The following METAP1D variants were observed in gnomAD, a reference collection of about 807,000 sequenced individuals.
The protein encoded by METAP1D is methionine aminopeptidase 1D, mitochondrial.
Under a neutral mutation model 40.5 loss-of-function variants are expected in METAP1D, and 31 were observed. The observed-to-expected ratio is 0.77, with a 90% CI of 0.58 to 1.03. The LOEUF is 1.03. Among genes scored for constraint, METAP1D ranks in the 50% least tolerant of loss-of-function variants. METAP1D has a pLI of 0.00. For missense variants in METAP1D, 411 were observed against 420.7 expected (o/e 0.98, Z 0.20); for synonymous variants, 151 against 146.4 (o/e 1.03, Z -0.22).
At chr2:172,071,246 T>G (rs1187250803) in intron 6 of METAP1D, among the ~76,000 whole-genome samples, 176 bp downstream of exon 6, 1 of 152,106 alleles carries the variant, frequency 6.6e-6, no homozygotes, top group Non-Finnish European at 1.5e-5. Flanking sequence ...AAAAAAAGAT[T>G]TTATAAAAAT....
At chr2:172,030,501 A>T (rs1689218122) in intron 1 of METAP1D, among the ~76,000 whole-genome samples, 1 of 152,210 alleles carries the variant, frequency 6.6e-6, no homozygotes, top group Non-Finnish European at 1.5e-5. Flanking sequence ...CTACCATGTT[A>T]TAGAGGGATA....
chr2:172,081,322 G>C lies in METAP1D; in HGVS notation c.*916G>C, dbSNP rs1172856955. On this transcript the variant is annotated 3_prime_UTR_variant, in exon 10 of 10. Transcript: ENST00000315796. ...TCCCCAGACTGGCCCTTCTCGCATC[G>C]GGACCCGCGCTTGCACGCTGCAGGA... 3 of 152,444 alleles carry C rather than the reference G, an allele frequency of 2.0e-5. No homozygotes were observed. The highest frequency in any genetic ancestry group is 4.4e-5 in the Non-Finnish European group (3 of 68,206). The allele number at this position is 152,444 out of a possible 1,614,324, so 9.4% of individuals were successfully genotyped here.
intron 1 of METAP1D, among the ~76,000 whole-genome samples, chr2:172,005,854 T>A (rs1028776234): frequency 1.1e-4 from 16 of 151,954 alleles, no homozygotes; most frequent in African/African-American, 3.9e-4. Context: ...ATTTATCTAC[T>A]CATTGGTTGA....
intron 1 of METAP1D, among the ~76,000 whole-genome samples, chr2:172,041,201 C>G (rs1689513817): frequency 6.6e-6 from 1 of 152,028 alleles, no homozygotes; most frequent in South Asian, 2.1e-4. Flanking sequence ...TGGCTCATTC[C>G]TGTAATCGCA....
At chr2:172,053,409 G>T (rs1559013134) in intron 1 of METAP1D, among the ~76,000 whole-genome samples, 3 of 151,866 alleles carry the variant, frequency 2.0e-5, no homozygotes. Context: ...AGTAAGTTGG[G>T]TTTTTTTTCT....
At chr2:172,074,350 TTC>T (rs1239994025) in intron 6 of METAP1D, among the ~76,000 whole-genome samples, 2 of 152,138 alleles carry the variant, frequency 1.3e-5, no homozygotes, top group Non-Finnish European at 2.9e-5. Context: ...AATAATCTCT[TTC>T]TATTAGATTA....
At position 172,063,826 on chromosome 2, in the gene METAP1D, G is replaced by A. The variant is rs991097857; in HGVS notation, c.314G>A (p.Arg105His). ...QGLHQACQLA[R>H]HVLLLAGKSL... ...CTTCATCAGGCTTGTCAGCTGGCCC[G>A]CCACGTCCTCCTCTTGGCTGGGAAG... The change falls in exon 3 of 10, where the codon CGC becomes CAC. Residue 105 changes from arginine to histidine, a missense_variant. Physicochemically the swap from Arg to His is conservative, Grantham distance 29. Coordinates refer to ENST00000315796, the MANE Select transcript of METAP1D (RefSeq NM_199227.3). 17 of 1,613,356 alleles carry A rather than the reference G, an allele frequency of 1.1e-5. No individual in the cohort carries two copies. Among genetic ancestry groups the A allele is most frequent in the South Asian group, 3.3e-5 (3 of 90,966 alleles).
At chr2:172,048,245 T>A (rs1184300458) in intron 1 of METAP1D, among the ~76,000 whole-genome samples, 3 of 152,218 alleles carry the variant, frequency 2.0e-5, no homozygotes, top group African/African-American at 7.2e-5. Flanking sequence ...ACTTGCTTTG[T>A]GGATTATCCA....
chr2:172,061,493 C>G lies in METAP1D; in HGVS notation c.41-5C>G, dbSNP rs1297644756. ...TACTTAAAATATGTCTGTTTCTGCT[C>G]ACAGGTTCTCATAGAATTTTCTCTT... is the stretch of plus-strand genomic sequence containing the variant. On this transcript the variant is annotated splice_region_variant and splice_polypyrimidine_tract_variant and intron_variant, in intron 1 of 9. Transcript: ENST00000315796. 6.2e-7 allele frequency: 1 copy of G among 1,608,046 alleles called. No homozygotes were observed. Among genetic ancestry groups the G allele is most frequent in the South Asian group, 1.1e-5 (1 of 89,700 alleles).
intron 1 of METAP1D, among the ~76,000 whole-genome samples, chr2:172,055,404 G>A (rs1002414683): frequency 4.6e-5 from 7 of 152,206 alleles, no homozygotes; most frequent in African/African-American, 7.2e-5. Flanking sequence ...ACTGTAGTTC[G>A]GGTATCCTTT....
intron 3 of METAP1D, chr2:172,064,134 C>T (rs974958660): frequency 1.8e-5 from 5 of 272,736 alleles, no homozygotes; most frequent in Non-Finnish European, 3.3e-5. Flanking sequence ...GTCAACCTAT[C>T]CAAGTTGATC....
intron 1 of METAP1D, among the ~76,000 whole-genome samples, chr2:172,041,193 G>A (rs994408550): frequency 1.3e-5 from 2 of 151,992 alleles, no homozygotes; most frequent in African/African-American, 2.4e-5. Flanking sequence ...GGATGCGGTG[G>A]CTCATTCCTG....
intron 1 of METAP1D, among the ~76,000 whole-genome samples, chr2:172,030,337 C>T (rs1017171062): frequency 4.6e-5 from 7 of 152,012 alleles, no homozygotes; most frequent in African/African-American, 1.4e-4. Flanking sequence ...GGTGATCTGC[C>T]CACCTCGGCC....
chr2:172,064,274 C>T (rs561962726), intron 3 of METAP1D: 284 of 158,214 alleles, frequency 1.8e-3, no homozygotes, highest in Non-Finnish European at 2.0e-3. Context: ...CTTGCATTTG[C>T]CCTGCAAAGA....
chr2:172,016,522 G>C (rs896953856), intron 1 of METAP1D, among the ~76,000 whole-genome samples: 1 of 151,552 alleles, frequency 6.6e-6, no homozygotes, highest in Admixed American at 6.6e-5. Flanking sequence ...TTGGGAGGCT[G>C]AGGTGGGAGG....
At chr2:172,008,131 G>C (rs1166515218) in intron 1 of METAP1D, among the ~76,000 whole-genome samples, 1 of 151,404 alleles carries the variant, frequency 6.6e-6, no homozygotes, top group Non-Finnish European at 1.5e-5. Context: ...TATTCCACAG[G>C]GCTTGTTGAA....
chr2:172,045,699 ATGTGTGTGTG>A (rs796722451), intron 1 of METAP1D, among the ~76,000 whole-genome samples: 3 of 82,238 alleles, frequency 3.6e-5, no homozygotes, highest in African/African-American at 4.6e-5. Flanking sequence ...ATTCATATAT[ATGTGTGTGTG>A]TGTGTGTGTG....
rs570489198 is a variant in METAP1D, at chr2:172,080,714, G to T, written c.*308G>T. On this transcript the variant is annotated 3_prime_UTR_variant, in exon 10 of 10. Transcript: ENST00000315796. Reference sequence around the variant, plus strand: ...TGGAAGAGATTCCAAGAGAAGCACGGTTTTCTCTTTCCCTTGCCCTGACTG... The same window carrying T: ...TGGAAGAGATTCCAAGAGAAGCACGTTTTTCTCTTTCCCTTGCCCTGACTG... The T allele has an allele frequency of 5.8e-6, 3 of 520,706 alleles. No homozygotes were observed. Among genetic ancestry groups the T allele is most frequent in the African/African-American group, 3.8e-5 (2 of 52,396 alleles). 32.3% of individuals were successfully genotyped at this position (520,706 alleles called of 1,614,324 possible).
Position 172,063,825 on chromosome 2 carries a change from C to T in METAP1D, c.313C>T (p.Arg105Cys), listed in dbSNP as rs749963076. 38 of 1,613,508 alleles carry T rather than the reference C, an allele frequency of 2.4e-5. 1 individual carries two copies. In the South Asian group the frequency reaches 2.4e-4, roughly 10 times the overall value. The change falls in exon 3 of 10, where the codon CGC becomes TGC. Residue 105 changes from arginine to cysteine, a missense_variant. By Grantham distance (180) the Arg-to-Cys change is radical. Coordinates refer to ENST00000315796, the MANE Select transcript of METAP1D (RefSeq NM_199227.3). ...GCTTCATCAGGCTTGTCAGCTGGCC[C>T]GCCACGTCCTCCTCTTGGCTGGGAA... Reference protein sequence around the residue: ...QGLHQACQLARHVLLLAGKSL... With the variant: ...QGLHQACQLACHVLLLAGKSL...
Sources: allele counts gnomAD v4.1 joint callset (sites outside exome capture counted in the v4.1 genomes callset), GRCh38; gene constraint gnomAD v4.1.1; transcripts MANE v1.5; gene names NCBI Gene and HGNC (gene_info 2026-07-23, HGNC 2026-07-21).